CREG2: variants seen among roughly 807,000 people sequenced by gnomAD.
The protein encoded by CREG2 is protein CREG2.
In CREG2, 24 loss-of-function variants were observed where a neutral mutation model predicts 26.2. The observed-to-expected ratio is 0.92, with a 90% CI of 0.66 to 1.29. CREG2 has a LOEUF of 1.29. CREG2 is among the 50% of genes most tolerant of loss of function. The pLI is 0.00. For missense variants in CREG2, 366 were observed against 398.6 expected (o/e 0.92, Z 0.70); for synonymous variants, 174 against 169.2 (o/e 1.03, Z -0.22).
chr2:101,381,874 G>A (rs1184137494), intron 2 of CREG2, among the ~76,000 whole-genome samples: 1 of 152,166 alleles, frequency 6.6e-6, no homozygotes, highest in Admixed American at 6.5e-5. Flanking sequence ...GGCTGTGCAG[G>A]CAAGTCTTCC....
At position 101,346,793 on chromosome 2, in the gene CREG2, C is replaced by T. The variant is rs1053429300; in HGVS notation, c.*4130G>A. 1.3e-5 allele frequency: 2 copies of T among 152,220 alleles called. No homozygotes were observed. The highest frequency in any genetic ancestry group is 4.8e-5 in the African/African-American group (2 of 41,450). 9.4% of individuals were successfully genotyped at this position (152,220 alleles called of 1,614,324 possible). A position where few individuals can be genotyped will look rare whatever the true frequency, so the allele number is the denominator to read the frequency against. On this transcript the variant is annotated 3_prime_UTR_variant, in exon 4 of 4. Coordinates refer to ENST00000324768, the MANE Select transcript of CREG2 (RefSeq NM_153836.4). ...ATAGTTGTAGATAACTGTAGATTCA[C>T]ATGCAGTTGTAAGAAATAATACAGA...
chr2:101,382,765 C>T (rs1350529324), intron 2 of CREG2: 1 of 985,206 alleles, frequency 1.0e-6, no homozygotes, highest in African/African-American at 1.7e-5. Flanking sequence ...TGGGATGAGG[C>T]CTGTTGATTT....
At chr2:101,362,519 C>T (rs1180744567) in intron 2 of CREG2, among the ~76,000 whole-genome samples, 4 of 152,152 alleles carry the variant, frequency 2.6e-5, no homozygotes, top group Non-Finnish European at 4.4e-5. Flanking sequence ...GTGGTGGAGG[C>T]GTGCCCACCT....
chr2:101,354,763 C>T (rs1684430709), intron 3 of CREG2, among the ~76,000 whole-genome samples: 1 of 152,190 alleles, frequency 6.6e-6, no homozygotes. Context: ...CTGGAGCATG[C>T]CTTTCACAAT....
intron 2 of CREG2, among the ~76,000 whole-genome samples, chr2:101,361,606 G>C (rs1684540589): frequency 6.6e-6 from 1 of 152,208 alleles, no homozygotes; most frequent in African/African-American, 2.4e-5. Flanking sequence ...CAACGCCTTG[G>C]TGTTAATCTG....
At chr2:101,373,640 T>G (rs1218215632) in intron 2 of CREG2, among the ~76,000 whole-genome samples, 3 of 152,104 alleles carry the variant, frequency 2.0e-5, no homozygotes, top group African/African-American at 7.2e-5. Context: ...AAAAGGATAG[T>G]GCAATGGCAG....
rs561592614 is a variant in CREG2 at position 101,351,850 on chromosome 2, A to T, written c.726-780T>A. Among the ~76,000 whole-genome samples the T allele has an allele frequency of 4.6e-5, 7 of 152,268 alleles. 1 individual carries two copies. In the South Asian group the frequency reaches 1.5e-3, roughly 32 times the overall value. ...AAACTGGGAAAAACATTTATTACAA[A>T]GCAAATGCAATAATAGGTTGATGAT... is the stretch of plus-strand genomic sequence containing the variant. On this transcript the variant is annotated intron_variant, in intron 3 of 3. Coordinates refer to ENST00000324768, the MANE Select transcript of CREG2 (RefSeq NM_153836.4).
intron 3 of CREG2, among the ~76,000 whole-genome samples, chr2:101,353,530 T>G (rs1438572983): frequency 6.6e-6 from 1 of 152,242 alleles, no homozygotes; most frequent in Non-Finnish European, 1.5e-5. Flanking sequence ...TGTAAATTAC[T>G]TCAACCATTG....
intron 2 of CREG2, among the ~76,000 whole-genome samples, chr2:101,357,883 G>A (rs1031472706): frequency 5.9e-5 from 9 of 151,286 alleles, no homozygotes; most frequent in Admixed American, 3.3e-4. Flanking sequence ...AGGCTGAGGC[G>A]GGAGAATGGC....
intron 2 of CREG2, among the ~76,000 whole-genome samples, chr2:101,372,047 A>T (rs1684716011): frequency 6.6e-6 from 1 of 151,136 alleles, no homozygotes; most frequent in African/African-American, 2.5e-5. Flanking sequence ...GCTGGAGATG[A>T]TGGGTAGATG....
At chr2:101,370,565 C>T (rs559707286) in intron 2 of CREG2, among the ~76,000 whole-genome samples, 1 of 152,324 alleles carries the variant, frequency 6.6e-6, no homozygotes, top group South Asian at 2.1e-4. Flanking sequence ...AAGCCCTTTT[C>T]TCTAATGTCG....
chr2:101,363,487 A>G (rs946397698), intron 2 of CREG2, among the ~76,000 whole-genome samples: 1 of 152,204 alleles, frequency 6.6e-6, no homozygotes, highest in Admixed American at 6.5e-5. Context: ...CTAAAAATAC[A>G]TGTAACCTTC....
At chr2:101,356,899 T>G (rs1272875107) in intron 2 of CREG2, among the ~76,000 whole-genome samples, 1 of 149,674 alleles carries the variant, frequency 6.7e-6, no homozygotes, top group Non-Finnish European at 1.5e-5. Context: ...TTTTTCTTCT[T>G]TTTTTTTTGA....
chr2:101,355,202 T>A, intron 3 of CREG2, 51 bp downstream of exon 3: 1 of 1,187,334 alleles, frequency 8.4e-7, no homozygotes, highest in Non-Finnish European at 1.3e-6. Context: ...TGACCTCTGC[T>A]TATTAGTATT....
intron 1 of CREG2, among the ~76,000 whole-genome samples, 170 bp from the exon 2 acceptor site, chr2:101,383,872 C>T (rs1684922434): frequency 1.3e-5 from 2 of 152,172 alleles, no homozygotes; most frequent in Admixed American, 1.3e-4. Flanking sequence ...CCCCAGTCTG[C>T]CCAATTCACT....
intron 2 of CREG2, among the ~76,000 whole-genome samples, chr2:101,364,296 G>A (rs2104475518): frequency 6.6e-6 from 1 of 152,300 alleles, no homozygotes; most frequent in Non-Finnish European, 1.5e-5. Context: ...TTGAGGTGGA[G>A]GGCTGTCCTT....
chr2:101,385,171 T>C (rs1394366077), intron 1 of CREG2, among the ~76,000 whole-genome samples: 2 of 152,168 alleles, frequency 1.3e-5, no homozygotes, highest in Non-Finnish European at 2.9e-5. Flanking sequence ...TTTATTTATT[T>C]ATTTTATTAG....
chr2:101,372,035 G>C (rs1281885129), intron 2 of CREG2, among the ~76,000 whole-genome samples: 1 of 152,196 alleles, frequency 6.6e-6, no homozygotes, highest in Non-Finnish European at 1.5e-5. Context: ...GGTTGGGCAG[G>C]AGCTGGAGAT....
In CREG2 at chr2:101,359,071, AAG is replaced by A. The variant is rs1166085340; in HGVS notation, c.612-3707_612-3706del. 3.7e-3 allele frequency among the ~76,000 whole-genome samples: 50 copies of A among 13,562 alleles called. 18 individuals are homozygous for A. The highest frequency in any genetic ancestry group is 5.5e-3 in the African/African-American group (47 of 8,478). 8.9% of individuals were successfully genotyped at this position (13,562 alleles called of 152,430 possible). On this transcript the variant is annotated intron_variant, in intron 2 of 3. Transcript: ENST00000324768. ...AAAAAAAAAAAAAAAAAAAAAAAAA[AAG>A]AGAGAACTGAGGCAAGTTTTAGAGC...
Sources: gnomAD v4.1 joint callset for allele counts (sites outside exome capture counted in the v4.1 genomes callset) on GRCh38, gnomAD v4.1.1 for gene constraint, MANE v1.5 for transcripts, NCBI Gene and HGNC (gene_info 2026-07-23, HGNC 2026-07-21) for gene names.